Variants in CHST9 observed in about 807,000 individuals in gnomAD.
CHST9 encodes carbohydrate sulfotransferase 9.
Under a neutral mutation model 44.4 loss-of-function variants are expected in CHST9, and 41 were observed. The ratio of observed to expected loss-of-function variants is 0.92; its 90% CI spans 0.72 to 1.20. The LOEUF is 1.20. Among genes scored for constraint, CHST9 ranks in the 50% most tolerant of loss-of-function variants. The pLI, the probability that CHST9 is intolerant of heterozygous loss-of-function variation, is 0.00. For synonymous variants in CHST9, 171 were observed against 178.4 expected (o/e 0.96, Z 0.33); for missense variants, 504 against 516.5 (o/e 0.98, Z 0.23).
At chr18:27,156,318 G>A (rs1410564579) in intron 1 of CHST9, among the ~76,000 whole-genome samples, 3 of 151,982 alleles carry the variant, frequency 2.0e-5, no homozygotes, top group Non-Finnish European at 2.9e-5. Context: ...TGTCAGAAAA[G>A]AAGAAGTGTA....
chr18:26,975,719 GTGTGTGTATATATATA>G (rs2056612878), intron 4 of CHST9, among the ~76,000 whole-genome samples: 3 of 83,308 alleles, frequency 3.6e-5, no homozygotes, highest in East Asian at 3.9e-4. Context: ...ATGTGTGTGT[GTGTGTGTATATATATA>G]TATATATATA....
intron 4 of CHST9, among the ~76,000 whole-genome samples, chr18:27,010,431 T>C (rs1378429902): frequency 6.6e-6 from 1 of 152,210 alleles, no homozygotes; most frequent in Non-Finnish European, 1.5e-5. Context: ...ATCAAGACAG[T>C]TGTTGTCTTA....
chr18:26,985,802 A>G (rs140424506), intron 4 of CHST9, among the ~76,000 whole-genome samples: 30 of 152,322 alleles, frequency 2.0e-4, no homozygotes, highest in African/African-American at 7.2e-4. Context: ...AACAGTGCCT[A>G]TTCCTACCAA....
intron 2 of CHST9, among the ~76,000 whole-genome samples, chr18:27,096,243 C>T (rs1272798906): frequency 2.0e-5 from 3 of 151,774 alleles, no homozygotes; most frequent in African/African-American, 7.3e-5. Flanking sequence ...TAAATGGAAA[C>T]AGAGACACAA....
intron 1 of CHST9, among the ~76,000 whole-genome samples, chr18:27,176,503 G>A (rs1413514633): frequency 6.6e-6 from 1 of 152,006 alleles, no homozygotes; most frequent in Non-Finnish European, 1.5e-5. Context: ...ATTAAAACCA[G>A]ATTGGACTAT....
At chr18:26,971,769 G>T (rs1260917887) in intron 4 of CHST9, among the ~76,000 whole-genome samples, 1 of 152,064 alleles carries the variant, frequency 6.6e-6, no homozygotes, top group Non-Finnish European at 1.5e-5. Context: ...GGGGCGGGCA[G>T]GGAAATCCAC....
At chr18:27,065,412 G>A (rs554162104) in intron 2 of CHST9, among the ~76,000 whole-genome samples, 15 of 152,222 alleles carry the variant, frequency 9.9e-5, no homozygotes, top group African/African-American at 2.9e-4. Flanking sequence ...GCCTTCTAGG[G>A]GAGGAGCAGA....
At chr18:27,152,613 T>A (rs1375124769) in intron 1 of CHST9, among the ~76,000 whole-genome samples, 3 of 152,196 alleles carry the variant, frequency 2.0e-5, no homozygotes, top group African/African-American at 7.2e-5. Context: ...TGCACTTACA[T>A]GCCAGTTAAG....
intron 4 of CHST9, among the ~76,000 whole-genome samples, chr18:27,018,452 A>G (rs1029911773): frequency 6.6e-6 from 1 of 152,212 alleles, no homozygotes; most frequent in East Asian, 1.9e-4. Flanking sequence ...TACAAAAGAA[A>G]AAAACCCAAC....
At chr18:27,177,663 A>G (rs1367138578) in intron 1 of CHST9, among the ~76,000 whole-genome samples, 2 of 151,952 alleles carry the variant, frequency 1.3e-5, no homozygotes, top group Non-Finnish European at 2.9e-5. Context: ...TTTCTTAACC[A>G]TATTCTTTAG....
At chr18:26,939,733 C>T (rs576135499) in intron 5 of CHST9, among the ~76,000 whole-genome samples, 15 of 152,226 alleles carry the variant, frequency 9.9e-5, no homozygotes, top group African/African-American at 3.1e-4. Flanking sequence ...TGGAACTTCA[C>T]GGGGGAAACA....
At chr18:27,146,722 A>G (rs2058615239) in intron 1 of CHST9, among the ~76,000 whole-genome samples, 1 of 152,202 alleles carries the variant, frequency 6.6e-6, no homozygotes, top group Non-Finnish European at 1.5e-5. Flanking sequence ...AGCTCCAATA[A>G]CAAAATACAG....
At chr18:26,927,552 C>T (rs2055793213) in intron 5 of CHST9, among the ~76,000 whole-genome samples, 1 of 151,958 alleles carries the variant, frequency 6.6e-6, no homozygotes, top group African/African-American at 2.4e-5. Flanking sequence ...GTATCATAAA[C>T]AAGGTAAAGA....
intron 2 of CHST9, among the ~76,000 whole-genome samples, chr18:27,112,108 A>G (rs530833960): frequency 1.3e-4 from 19 of 148,502 alleles, no homozygotes; most frequent in South Asian, 6.3e-4. Context: ...AAATATATTA[A>G]TAATGTATAT....
At chr18:27,159,038 A>G (rs2058722971) in intron 1 of CHST9, among the ~76,000 whole-genome samples, 1 of 152,004 alleles carries the variant, frequency 6.6e-6, no homozygotes, top group Non-Finnish European at 1.5e-5. Flanking sequence ...GATTGCAAAA[A>G]TTTTCTCCCA....
intron 4 of CHST9, among the ~76,000 whole-genome samples, chr18:26,993,764 CTG>C (rs1353575561): frequency 6.6e-6 from 1 of 152,188 alleles, no homozygotes; most frequent in African/African-American, 2.4e-5. Flanking sequence ...CATTTGGAAA[CTG>C]TGAACTGAGA....
intron 4 of CHST9, among the ~76,000 whole-genome samples, chr18:26,965,587 C>CT (rs2056454343): frequency 6.6e-6 from 1 of 152,194 alleles, no homozygotes; most frequent in South Asian, 2.1e-4. Context: ...TTTAACATCT[C>CT]TAAGCCACTG....
At chr18:27,156,266 T>C (rs530434223) in intron 1 of CHST9, among the ~76,000 whole-genome samples, 24 of 152,046 alleles carry the variant, frequency 1.6e-4, no homozygotes, top group South Asian at 6.2e-4. Context: ...AAGAAAGGAA[T>C]TGAAAGATGA....
chr18:27,126,204 C>T (rs1183670031), intron 2 of CHST9, among the ~76,000 whole-genome samples: 1 of 152,198 alleles, frequency 6.6e-6, no homozygotes, highest in Non-Finnish European at 1.5e-5. Context: ...GAGGTTGCTA[C>T]ATGTGCCTCT....
Sources: allele counts gnomAD v4.1 joint callset (sites outside exome capture counted in the v4.1 genomes callset), GRCh38; gene constraint gnomAD v4.1.1; transcripts MANE v1.5; gene names NCBI Gene and HGNC (gene_info 2026-07-23, HGNC 2026-07-21).